SLC25A13: variants seen among roughly 807,000 people sequenced by gnomAD.
SLC25A13 encodes the protein solute carrier family 25 member 13.
A neutral mutation model predicts 85.5 loss-of-function variants in SLC25A13; 70 were observed. That is an observed-to-expected ratio of 0.82 (90% CI 0.68 to 1.00). The LOEUF is 1.00. Among genes scored for constraint, SLC25A13 ranks in the 50% least tolerant of loss-of-function variants. The probability of loss-of-function intolerance (pLI) is 0.00; values close to 1 mark genes in which losing one functional copy is unlikely to be tolerated. For missense variants in SLC25A13, 765 were observed against 819.8 expected, an observed-to-expected ratio of 0.93 and a Z score of 0.82; for synonymous variants, 259 against 288.7, an observed-to-expected ratio of 0.90 and a Z score of 1.04.
At chr7:96,209,075 A>C in intron 4 of SLC25A13, 98 bp from the exon 5 acceptor site, 1 of 1,234,822 alleles carries the variant, frequency 8.1e-7, no homozygotes. Context: ...TTATTAAAAA[A>C]AGTAATTCAA....
Position 96,272,446 on chromosome 7 carries a change from A to G in SLC25A13, c.212+4750T>C, listed in dbSNP as rs1798278030. ...ACTGAAAAGTCAGAGAAGCAGTAAC[A>G]CCCTGGTAACAATAAGCCAGTGCCC... On this transcript the variant is annotated intron_variant, in intron 3 of 17. Transcript: ENST00000265631. Among the ~76,000 whole-genome samples the G allele has an allele frequency of 2.0e-5, 3 of 152,322 alleles. No homozygotes were observed. The South Asian group carries it at 6.2e-4, about 32-fold the overall frequency.
At chr7:96,173,665 T>C (rs1312656985) in intron 11 of SLC25A13, among the ~76,000 whole-genome samples, 7 of 152,226 alleles carry the variant, frequency 4.6e-5, no homozygotes, top group Non-Finnish European at 1.0e-4. Flanking sequence ...TCCTCCTGCC[T>C]AGGCTTTCCA....
chr7:96,296,116 GTAT>G (rs1217020897), intron 2 of SLC25A13, among the ~76,000 whole-genome samples: 1 of 151,724 alleles, frequency 6.6e-6, no homozygotes, highest in African/African-American at 2.4e-5. Context: ...CTAGTATCTA[GTAT>G]TATCCATACT....
At position 96,205,982 on chromosome 7, in the gene SLC25A13, C is replaced by T. The variant is rs1250462881; in HGVS notation, c.468+2856G>A. Among the ~76,000 whole-genome samples the T allele has an allele frequency of 2.0e-5, 3 of 151,892 alleles. No individual in the cohort carries two copies. The East Asian group carries it at 5.8e-4, about 29-fold the overall frequency. Reference sequence around the variant, plus strand: ...AAGGAACTGCAGAGAACTGCACTGCCCCACCAATCACACACATGTATATAC... The same window carrying T: ...AAGGAACTGCAGAGAACTGCACTGCTCCACCAATCACACACATGTATATAC... On this transcript the variant is annotated intron_variant, in intron 5 of 17. Transcript: ENST00000265631.
At chr7:96,303,002 A>C (rs1166354912) in intron 1 of SLC25A13, among the ~76,000 whole-genome samples, 1 of 152,218 alleles carries the variant, frequency 6.6e-6, no homozygotes, top group East Asian at 1.9e-4. Context: ...AAGTCCCCTG[A>C]GGTGCTTTTA....
intron 15 of SLC25A13, among the ~76,000 whole-genome samples, chr7:96,122,929 C>T (rs1554335663): frequency 6.6e-6 from 1 of 152,128 alleles, no homozygotes; most frequent in Non-Finnish European, 1.5e-5. Flanking sequence ...ATCTCCTTTG[C>T]TTTTTTTAAG....
intron 2 of SLC25A13, among the ~76,000 whole-genome samples, chr7:96,293,503 T>A: frequency 6.6e-6 from 1 of 151,874 alleles, no homozygotes. Flanking sequence ...ACCTACAGAA[T>A]GGGAGAAAAT....
rs17848735 is a variant in SLC25A13, at chr7:96,184,706, G to A, written c.1018+221C>T. 215 of 630,022 alleles carry A rather than the reference G, an allele frequency of 3.4e-4. 3 individuals carry two copies. The East Asian group carries it at 5.8e-3, about 17-fold the overall frequency. The allele number at this position is 630,022 out of a possible 1,614,324, so 39.0% of individuals were successfully genotyped here. On this transcript the variant is annotated intron_variant, in intron 10 of 17. Transcript: ENST00000265631. ...TTAGTAACCTGTCTTTGGAAGGCCT[G>A]ATCTGTAGATAGAGGAAAATGCCAC...
chr7:96,275,408 T>A (rs1467007387), intron 3 of SLC25A13, among the ~76,000 whole-genome samples: 1 of 152,178 alleles, frequency 6.6e-6, no homozygotes, highest in African/African-American at 2.4e-5. Flanking sequence ...GGATTATAAA[T>A]CATGCTGCTA....
chr7:96,230,975 G>A (rs1466664958), intron 4 of SLC25A13, among the ~76,000 whole-genome samples: 1 of 152,162 alleles, frequency 6.6e-6, no homozygotes, highest in Non-Finnish European at 1.5e-5. Context: ...GCCAGGCATG[G>A]TGGTGCATGC....
intron 4 of SLC25A13, among the ~76,000 whole-genome samples, chr7:96,224,299 C>T (rs1390378608): frequency 6.6e-6 from 1 of 152,190 alleles, no homozygotes; most frequent in Non-Finnish European, 1.5e-5. Flanking sequence ...AAGCATCATT[C>T]TGATCCTATC....
intron 13 of SLC25A13, among the ~76,000 whole-genome samples, chr7:96,152,094 C>A (rs1227330643): frequency 6.6e-6 from 1 of 152,144 alleles, no homozygotes; most frequent in Non-Finnish European, 1.5e-5. Context: ...GCCAGCGGCA[C>A]ACTTACAGTT....
At chr7:96,294,759 C>A (rs1038975993) in intron 2 of SLC25A13, among the ~76,000 whole-genome samples, 2 of 152,136 alleles carry the variant, frequency 1.3e-5, no homozygotes, top group African/African-American at 4.8e-5. Flanking sequence ...CTCACTGAAG[C>A]CTCAAATTCC....
At chr7:96,153,997 T>C (rs1427169687) in intron 13 of SLC25A13, among the ~76,000 whole-genome samples, 2 of 152,226 alleles carry the variant, frequency 1.3e-5, no homozygotes, top group Non-Finnish European at 2.9e-5. Context: ...TGCAAATACG[T>C]CACTTGGGCT....
At chr7:96,303,807 G>T (rs1206254870) in intron 1 of SLC25A13, among the ~76,000 whole-genome samples, 1 of 151,898 alleles carries the variant, frequency 6.6e-6, no homozygotes, top group African/African-American at 2.4e-5. Context: ...TGCACAGGAG[G>T]TCACTGCTGT....
At chr7:96,310,251 G>A (rs900878166) in intron 1 of SLC25A13, among the ~76,000 whole-genome samples, 1 of 152,054 alleles carries the variant, frequency 6.6e-6, no homozygotes, top group South Asian at 2.1e-4. Context: ...ATTGTATTTG[G>A]TCATCAGGTC....
intron 1 of SLC25A13, among the ~76,000 whole-genome samples, chr7:96,307,240 G>A (rs1037594099): frequency 2.0e-5 from 3 of 151,928 alleles, no homozygotes; most frequent in Admixed American, 6.6e-5. Flanking sequence ...AAGACAATAC[G>A]GGAAATGTGT....
In SLC25A13 at chr7:96,128,910, T is replaced by C. The variant is rs77596078; in HGVS notation, c.1591+2833A>G. On this transcript the variant is annotated intron_variant, in intron 15 of 17. Coordinates refer to ENST00000265631, the MANE Select transcript of SLC25A13 (RefSeq NM_014251.3). ...TCTCTATCATCTTGAGGTGAAGTCA[T>C]AGAAGACACTGCAGCTTCTGCCTTG... Among the ~76,000 whole-genome samples the C allele has an allele frequency of 3.9e-4, 58 of 148,094 alleles. 1 individual carries two copies. In the Middle Eastern group the frequency reaches 0.019, roughly 49 times the overall value.
At chr7:96,308,238 T>C (rs1046283044) in intron 1 of SLC25A13, among the ~76,000 whole-genome samples, 1 of 151,130 alleles carries the variant, frequency 6.6e-6, no homozygotes, top group South Asian at 2.1e-4. Flanking sequence ...AGTAAGAGAA[T>C]AGAGAATAAC....
Sources: allele counts gnomAD v4.1 joint callset (sites outside exome capture counted in the v4.1 genomes callset), GRCh38; gene constraint gnomAD v4.1.1; transcripts MANE v1.5; gene names NCBI Gene and HGNC (gene_info 2026-07-23, HGNC 2026-07-21).